Variants in LRP1B observed in about 807,000 individuals in gnomAD.
LRP1B encodes low-density lipoprotein receptor-related protein 1B.
A neutral mutation model predicts 556.6 loss-of-function variants in LRP1B; 217 were observed. That is an observed-to-expected ratio of 0.39 (90% CI 0.35 to 0.44). The LOEUF (loss-of-function observed/expected upper bound fraction) is 0.44. Ranked by LOEUF, LRP1B falls within the 20% of genes least tolerant of loss-of-function variation. LRP1B has a pLI of 1.00. For synonymous variants in LRP1B, 2,047 were observed against 1,865.8 expected (o/e 1.10, Z -2.50); for missense variants, 5,053 against 5,620.8 (o/e 0.90, Z 3.23).
chr2:141,654,953 A>G (rs1334958166), intron 2 of LRP1B, among the ~76,000 whole-genome samples: 2 of 152,168 alleles, frequency 1.3e-5, no homozygotes, highest in Non-Finnish European at 2.9e-5. Flanking sequence ...ACAATGCTGA[A>G]ATGCTGAGGA....
chr2:141,902,173 TTAATAA>T (rs924340981), intron 1 of LRP1B, among the ~76,000 whole-genome samples: 7 of 151,194 alleles, frequency 4.6e-5, no homozygotes, highest in East Asian at 1.9e-4. Context: ...AATATACATA[TTAATAA>T]TAATAATAAT....
In LRP1B at chr2:140,357,851, T is replaced by TAACC. The variant is rs1269839570; in HGVS notation, c.11395+127_11395+128insGGTT. The TAACC allele has an allele frequency of 8.3e-6, 9 of 1,089,166 alleles. No individual in the cohort carries two copies. In the African/African-American group the frequency reaches 1.2e-4, roughly 15 times the overall value. The allele number at this position is 1,089,166 out of a possible 1,614,324, so 67.5% of individuals were successfully genotyped here. On this transcript the variant is annotated intron_variant, in intron 74 of 90. Transcript: ENST00000389484. ...ATTCTAATGTTGCTTTGGCAAAGGT[T>TAACC]TTTGAAAAAGGGCATCAGTCAAGCA...
chr2:141,661,238 T>C (rs971342436), intron 2 of LRP1B, among the ~76,000 whole-genome samples: 7 of 151,944 alleles, frequency 4.6e-5, no homozygotes, highest in African/African-American at 1.7e-4. Context: ...ACGAAAAAAA[T>C]GCTGAAAACT....
chr2:140,690,809 T>C (rs899387181), intron 41 of LRP1B, among the ~76,000 whole-genome samples: 1 of 152,288 alleles, frequency 6.6e-6, no homozygotes, highest in Middle Eastern at 3.4e-3. Context: ...TTTTTACCCT[T>C]TTCCTATCTT....
chr2:141,947,717 A>T (rs1574519620), intron 1 of LRP1B, among the ~76,000 whole-genome samples: 1 of 152,144 alleles, frequency 6.6e-6, no homozygotes, highest in African/African-American at 2.4e-5. Context: ...CAACATGTAA[A>T]CATAATCTGG....
chr2:141,958,075 T>C (rs2105048452), intron 1 of LRP1B, among the ~76,000 whole-genome samples: 1 of 152,144 alleles, frequency 6.6e-6, no homozygotes, highest in African/African-American at 2.4e-5. Flanking sequence ...GGATTACTGC[T>C]CCTTCAGAGA....
intron 32 of LRP1B, among the ~76,000 whole-genome samples, chr2:140,783,501 G>A (rs1295262816): frequency 2.9e-5 from 4 of 136,660 alleles, no homozygotes; most frequent in Non-Finnish European, 6.3e-5. Context: ...AAATTCATAA[G>A]GCTACACAGA....
rs151196870 is a variant in LRP1B, at chr2:141,100,821, G to A, written c.1014-38548C>T. ...AGATTTGTACTTGTGTCTCCACTAA[G>A]ATAGCTAAGACAGAAGGCCTGCTAA... On this transcript the variant is annotated intron_variant, in intron 7 of 90. Transcript: ENST00000389484. 1.4e-3 allele frequency among the ~76,000 whole-genome samples: 218 copies of A among 152,160 alleles called. 2 individuals are homozygous for A. The highest frequency in any genetic ancestry group is 0.01 in the East Asian group (54 of 5,156).
At chr2:141,849,248 T>C (rs762890971) in intron 1 of LRP1B, among the ~76,000 whole-genome samples, 3 of 151,698 alleles carry the variant, frequency 2.0e-5, no homozygotes, top group Non-Finnish European at 3.0e-5. Flanking sequence ...TTTCTTGGTG[T>C]ATAATCACAT....
chr2:141,512,052 G>A (rs73963358), intron 2 of LRP1B, among the ~76,000 whole-genome samples: 3,844 of 152,176 alleles, frequency 0.025, 155 homozygotes, highest in African/African-American at 0.088. Context: ...AAATGCAAAA[G>A]ATGCACAATT....
At chr2:140,582,239 T>G (rs1681796699) in intron 43 of LRP1B, among the ~76,000 whole-genome samples, 1 of 152,186 alleles carries the variant, frequency 6.6e-6, no homozygotes, top group Non-Finnish European at 1.5e-5. Context: ...TTGTGAAGCT[T>G]TGAAAAATGA....
At chr2:141,236,989 C>T (rs550691822) in intron 5 of LRP1B, among the ~76,000 whole-genome samples, 12 of 152,240 alleles carry the variant, frequency 7.9e-5, no homozygotes, top group African/African-American at 2.9e-4. Flanking sequence ...TTATGAAAAA[C>T]TTGTGGACAC....
At chr2:141,868,696 C>T (rs975448311) in intron 1 of LRP1B, among the ~76,000 whole-genome samples, 7 of 152,082 alleles carry the variant, frequency 4.6e-5, no homozygotes, top group Non-Finnish European at 8.8e-5. Context: ...TTAAGCCTAG[C>T]AAATTATGGA....
At chr2:140,400,017 C>A (rs758255335) in intron 66 of LRP1B, among the ~76,000 whole-genome samples, 1 of 152,070 alleles carries the variant, frequency 6.6e-6, no homozygotes, top group Non-Finnish European at 1.5e-5. Flanking sequence ...AGCAGAAGAA[C>A]AACAACATCT....
At chr2:141,397,476 G>A (rs890205547) in intron 3 of LRP1B, among the ~76,000 whole-genome samples, 55 of 151,058 alleles carry the variant, frequency 3.6e-4, no homozygotes, top group African/African-American at 1.3e-3. Flanking sequence ...AAAAATTCAG[G>A]AAAAAAACAC....
rs1686478630 is a variant in LRP1B at position 140,442,583 on chromosome 2, A to G, written c.10335T>C (p.Thr3445=). 2 of 1,613,854 alleles carry G rather than the reference A, an allele frequency of 1.2e-6. No individual in the cohort carries two copies. Among genetic ancestry groups the G allele is most frequent in the Non-Finnish European group, 8.5e-7 (1 of 1,179,858 alleles). The change falls in exon 66 of 91, where the codon ACT becomes ACC. Residue 3445 remains threonine (T), a synonymous_variant. Coordinates refer to ENST00000389484, the MANE Select transcript of LRP1B (RefSeq NM_018557.3). ...SCSPDYFQCK[T]TKHCISKLWV... ...ACAGCTTGGAAATGCAATGCTTCGT[A>G]GTCTTACACTGGAAATAGTCTGGAG...
chr2:141,201,763 T>C lies in LRP1B; in HGVS notation c.851-13180A>G, dbSNP rs55950217. ...TGTTTCCCCAAAGTATTAGCTCTAA[T>C]ATACAATTAGAGAAGAAGATTCTGG... On this transcript the variant is annotated intron_variant, in intron 6 of 90. Coordinates refer to ENST00000389484, the MANE Select transcript of LRP1B (RefSeq NM_018557.3). Among the ~76,000 whole-genome samples the C allele has an allele frequency of 4.9e-3, 748 of 152,238 alleles. 10 individuals are homozygous for C. Among genetic ancestry groups the C allele is most frequent in the African/African-American group, 0.017 (703 of 41,556 alleles).
At chr2:140,597,792 G>A (rs1361672397) in intron 43 of LRP1B, among the ~76,000 whole-genome samples, 3 of 152,154 alleles carry the variant, frequency 2.0e-5, no homozygotes, top group African/African-American at 4.8e-5. Flanking sequence ...GTGAAACACT[G>A]TAGTTGTGAT....
At chr2:140,409,818 A>G (rs1684895982) in intron 66 of LRP1B, among the ~76,000 whole-genome samples, 1 of 152,036 alleles carries the variant, frequency 6.6e-6, no homozygotes, top group Non-Finnish European at 1.5e-5. Context: ...TGGTTCTAAT[A>G]TCTACATCAT....
Sources: allele counts gnomAD v4.1 joint callset (sites outside exome capture counted in the v4.1 genomes callset), GRCh38; gene constraint gnomAD v4.1.1; transcripts MANE v1.5; gene names NCBI Gene and HGNC (gene_info 2026-07-23, HGNC 2026-07-21).